Variants in TERF1 observed in about 807,000 individuals in gnomAD.
TERF1 encodes the protein telomeric repeat binding factor 1.
In TERF1, 20 loss-of-function variants were observed where a neutral mutation model predicts 55.1. The observed-to-expected ratio is 0.36, with a 90% CI of 0.26 to 0.53. The LOEUF is 0.53. Ranked by LOEUF, TERF1 falls within the 20% of genes least tolerant of loss-of-function variation. The pLI, the probability that TERF1 is intolerant of heterozygous loss-of-function variation, is 0.91. For missense variants in TERF1, 439 were observed against 535.7 expected (o/e 0.82, Z 1.78); for synonymous variants, 168 against 181.2 (o/e 0.93, Z 0.59).
chr8:73,014,732 G>A (rs758294007), intron 2 of TERF1, among the ~76,000 whole-genome samples: 3 of 152,224 alleles, frequency 2.0e-5, no homozygotes, highest in Non-Finnish European at 2.9e-5. Flanking sequence ...GCTTATTGAA[G>A]TGTTGTCTTA....
At position 73,015,712 on chromosome 8, in the gene TERF1, G is replaced by A. The variant is rs141105587; in HGVS notation, c.415+1722G>A. Among the ~76,000 whole-genome samples, 204 of 152,076 alleles carry A rather than the reference G, an allele frequency of 1.3e-3. 1 individual carries two copies. Among genetic ancestry groups the A allele is most frequent in the African/African-American group, 4.6e-3 (190 of 41,522 alleles). On this transcript the variant is annotated intron_variant, in intron 2 of 9. Coordinates refer to ENST00000276603, the MANE Select transcript of TERF1 (RefSeq NM_017489.3). ...AAAATAAAAATAAAAAGTTAACCAC[G>A]TGTGGTCCTCTGGAGACTGAGGTAG...
intron 8 of TERF1, among the ~76,000 whole-genome samples, chr8:73,038,199 C>T (rs1251400608): frequency 6.6e-6 from 1 of 151,684 alleles, no homozygotes; most frequent in Non-Finnish European, 1.5e-5. Context: ...CCTGTAATTC[C>T]AGCACTTTGG....
At chr8:73,042,916 GTAT>G (rs1809892192) in intron 9 of TERF1, 1 of 152,158 alleles carries the variant, frequency 6.6e-6, no homozygotes, top group African/African-American at 2.4e-5. Context: ...GAAATGGGTT[GTAT>G]GGGTTTAATG....
chr8:73,009,746 A>C (rs1234899658), intron 1 of TERF1: 1 of 153,236 alleles, frequency 6.5e-6, no homozygotes, highest in African/African-American at 2.4e-5. Flanking sequence ...GCTTGAACCC[A>C]AGAGGCAGAG....
rs796171327 is a variant in TERF1 at position 73,029,604 on chromosome 8, CA to C, written c.888-721del. The stretch of plus-strand genomic sequence containing the variant: ...CCGGTGACCCTCGGCGAGACCCTGT[CA>C]AAAAAAAAAAGGGGGTGTAATATTT... On this transcript the variant is annotated intron_variant, in intron 6 of 9. Coordinates refer to ENST00000276603, the MANE Select transcript of TERF1 (RefSeq NM_017489.3). Among the ~76,000 whole-genome samples the C allele has an allele frequency of 6.3e-3, 857 of 135,836 alleles. 7 individuals are homozygous for C. The highest frequency in any genetic ancestry group is 0.019 in the African/African-American group (697 of 36,850). 89.1% of individuals were successfully genotyped at this position (135,836 alleles called of 152,430 possible). A position where few individuals can be genotyped will look rare whatever the true frequency, so the allele number is the denominator to read the frequency against.
chr8:73,041,714 A>C (rs1241383698), intron 9 of TERF1, among the ~76,000 whole-genome samples: 1 of 152,194 alleles, frequency 6.6e-6, no homozygotes, highest in Non-Finnish European at 1.5e-5. Flanking sequence ...GGAGTATTTC[A>C]AAATGGCTAC....
Position 73,013,975 on chromosome 8 carries a change from G to T in TERF1, c.400G>T (p.Ala134Ser), listed in dbSNP as rs371936856. ...YICQFLTRIA[A>S]GKTLDAQFEN... ...ATGTCAGTTTTTGACAAGAATTGCA[G>T]CAGGAAAAACCCTTGGTAAATATGT... Residue 134 changes from alanine (A) to serine (S), a missense_variant, in exon 2 of 10, where the codon GCA (alanine) becomes TCA (serine). Physicochemically the swap from Ala to Ser is moderately conservative, Grantham distance 99. This residue lies in a region of TERF1 where 95 missense variants were observed against 167.2 expected (regional missense o/e 0.57). Transcript: ENST00000276603. The T allele has an allele frequency of 2.5e-6, 4 of 1,608,262 alleles. No homozygotes were observed. Among genetic ancestry groups the T allele is most frequent in the South Asian group, 2.2e-5 (2 of 90,654 alleles).
chr8:73,034,792 T>TA (rs200456783), intron 8 of TERF1, among the ~76,000 whole-genome samples: 25 of 151,628 alleles, frequency 1.6e-4, no homozygotes, highest in Non-Finnish European at 3.1e-4. Context: ...TTTTTTTTTT[T>TA]ATCATCTCCA....
chr8:73,018,716 T>C (rs1009270561), intron 2 of TERF1, among the ~76,000 whole-genome samples: 4 of 152,168 alleles, frequency 2.6e-5, no homozygotes, highest in Non-Finnish European at 5.9e-5. Flanking sequence ...AAATTCTCTT[T>C]ATTATGCTTA....
intron 9 of TERF1, among the ~76,000 whole-genome samples, chr8:73,045,178 C>T (rs75277292): frequency 0.032 from 4,839 of 152,234 alleles, 157 homozygotes; most frequent in African/African-American, 0.088. Context: ...TCCATATCCT[C>T]ACCAACACTT....
intron 1 of TERF1, chr8:73,012,636 C>T (rs1488322146): frequency 9.4e-6 from 2 of 213,184 alleles, no homozygotes; most frequent in East Asian, 2.4e-4. Flanking sequence ...TGCACCATTG[C>T]ACTCCAGCCT....
rs79737099 is a variant in TERF1, at chr8:73,029,540, C to T, written c.888-796C>T. On this transcript the variant is annotated intron_variant, in intron 6 of 9. Coordinates refer to ENST00000276603, the MANE Select transcript of TERF1 (RefSeq NM_017489.3). Reference sequence around the variant, plus strand: ...CTTAGGTGAGAGGATTGTTTGAGCCCGGCAGGTCTGCAGTAAGCTGTGTTT... The same window carrying T: ...CTTAGGTGAGAGGATTGTTTGAGCCTGGCAGGTCTGCAGTAAGCTGTGTTT... Among the ~76,000 whole-genome samples, 546 of 150,932 alleles carry T rather than the reference C, an allele frequency of 3.6e-3. 7 individuals are homozygous for T. The highest frequency in any genetic ancestry group is 0.013 in the African/African-American group (521 of 41,072).
intron 3 of TERF1, among the ~76,000 whole-genome samples, chr8:73,021,823 A>C (rs528263609): frequency 6.6e-6 from 1 of 152,290 alleles, no homozygotes; most frequent in East Asian, 1.9e-4. Context: ...CTGACTAGCA[A>C]ATTTTATGTA....
intron 1 of TERF1, 68 bp from the exon 2 acceptor site, chr8:73,013,827 A>G: frequency 2.1e-6 from 2 of 950,300 alleles, no homozygotes; most frequent in Non-Finnish European, 3.3e-6. Context: ...CTATTACTCA[A>G]CAAACCACAC....
At chr8:73,023,122 T>C (rs1432778080) in intron 4 of TERF1, among the ~76,000 whole-genome samples, 2 of 152,158 alleles carry the variant, frequency 1.3e-5, no homozygotes, top group African/African-American at 4.8e-5. Flanking sequence ...CCCCATACAT[T>C]TTGTGGAACA....
In TERF1 at chr8:73,037,665, ATATTATAT is replaced by A. The variant is rs1228858709; in HGVS notation, c.1040-1447_1040-1440del. ...TATAATATATATTATATGTATAATA[ATATTATAT>A]TATATATAATATATATTATATAGTA... On this transcript the variant is annotated intron_variant, in intron 8 of 9. Transcript: ENST00000276603. Among the ~76,000 whole-genome samples the A allele has an allele frequency of 9.6e-3, 494 of 51,560 alleles. 9 individuals are homozygous for A. Among genetic ancestry groups the A allele is most frequent in the African/African-American group, 0.029 (453 of 15,420 alleles). The allele number at this position is 51,560 out of a possible 152,430, so 33.8% of individuals were successfully genotyped here.
intron 9 of TERF1, among the ~76,000 whole-genome samples, chr8:73,040,567 T>A (rs968365084): frequency 1.3e-5 from 2 of 152,210 alleles, no homozygotes; most frequent in Admixed American, 1.3e-4. Flanking sequence ...AGTTTGAATA[T>A]GATGTACATG....
At chr8:73,013,746 G>A in intron 1 of TERF1, 149 bp from the exon 2 acceptor site, 1 of 546,216 alleles carries the variant, frequency 1.8e-6, no homozygotes, top group Non-Finnish European at 3.3e-6. Flanking sequence ...CTTTTTTTTT[G>A]TTCTGAATTT....
chr8:73,009,242 G>GGGGCGGATGCGGGCTCCGTGGT, intron 1 of TERF1, 37 bp downstream of exon 1: 1 of 1,579,364 alleles, frequency 6.3e-7, no homozygotes, highest in Non-Finnish European at 8.6e-7. Flanking sequence ...GACTACGCGG[G>GGGGCGGATGCGGGCTCCGTGGT]GGGCGGATGC....
Sources: allele counts gnomAD v4.1 joint callset (sites outside exome capture counted in the v4.1 genomes callset), GRCh38; gene constraint gnomAD v4.1.1; regional missense constraint gnomAD v4.1.1; transcripts MANE v1.5; gene names NCBI Gene and HGNC (gene_info 2026-07-23, HGNC 2026-07-21).